Variants in NTRK3 observed in about 807,000 individuals in gnomAD.
The protein encoded by NTRK3 is neurotrophic receptor tyrosine kinase 3.
In NTRK3, 24 loss-of-function variants were observed where a neutral mutation model predicts 91.7. The observed-to-expected ratio is 0.26, with a 90% confidence interval of 0.19 to 0.37. The LOEUF is 0.37. Ranked by LOEUF, NTRK3 falls within the 10% of genes least tolerant of loss-of-function variation. NTRK3 has a pLI of 1.00. For synonymous variants in NTRK3, 483 were observed against 404.0 expected (o/e 1.20, Z -2.34); for missense variants, 880 against 1,068.9 (o/e 0.82, Z 2.46).
At chr15:87,918,492 A>G (rs761818281) in intron 17 of NTRK3, among the ~76,000 whole-genome samples, 2 of 152,212 alleles carry the variant, frequency 1.3e-5, no homozygotes, top group African/African-American at 2.4e-5. Context: ...GACTTTGCTC[A>G]TGCTAACCTC....
intron 14 of NTRK3, among the ~76,000 whole-genome samples, chr15:87,991,715 C>T (rs1467085650): frequency 6.6e-5 from 10 of 152,106 alleles, no homozygotes; most frequent in Admixed American, 6.5e-4. Flanking sequence ...TTTCTAATTC[C>T]CCATATCAAA....
chr15:88,137,422 T>C, exon 7 of NTRK3: 1 of 1,613,996 alleles, frequency 6.2e-7, no homozygotes, highest in Non-Finnish European at 8.5e-7. Flanking sequence ...CTGATGTTCA[T>C]GCGGAAGAGA....
At chr15:88,098,019 T>C (rs932408829) in intron 13 of NTRK3, among the ~76,000 whole-genome samples, 1 of 152,252 alleles carries the variant, frequency 6.6e-6, no homozygotes, top group African/African-American at 2.4e-5. Context: ...AAGGATGTTT[T>C]ATTCTACAGT....
chr15:88,189,440 T>C (rs1265213160), intron 3 of NTRK3, among the ~76,000 whole-genome samples: 1 of 151,896 alleles, frequency 6.6e-6, no homozygotes, highest in Non-Finnish European at 1.5e-5. Context: ...TCTTTTTTTT[T>C]GAGATGGAGT....
chr15:88,165,790 C>A (rs1194502721), intron 5 of NTRK3, among the ~76,000 whole-genome samples: 1 of 152,128 alleles, frequency 6.6e-6, no homozygotes, highest in Non-Finnish European at 1.5e-5. Flanking sequence ...TATCACAGGG[C>A]CTGAGTCCAC....
At chr15:88,152,067 G>A (rs1385252088) in intron 5 of NTRK3, among the ~76,000 whole-genome samples, 1 of 152,188 alleles carries the variant, frequency 6.6e-6, no homozygotes, top group Non-Finnish European at 1.5e-5. Flanking sequence ...TTGGGAGGCT[G>A]AGGCAGGTGG....
chr15:88,100,109 C>A (rs761039390), intron 13 of NTRK3, among the ~76,000 whole-genome samples: 1 of 152,134 alleles, frequency 6.6e-6, no homozygotes, highest in Non-Finnish European at 1.5e-5. Context: ...CCTTGAAGCT[C>A]ACTCCTCACT....
chr15:88,030,744 G>C (rs536775744), intron 14 of NTRK3, among the ~76,000 whole-genome samples: 1 of 151,844 alleles, frequency 6.6e-6, no homozygotes, highest in East Asian at 1.9e-4. Context: ...GACTCAACAA[G>C]GAGATATCTG....
At chr15:87,914,389 CA>C (rs1695727653) in intron 17 of NTRK3, among the ~76,000 whole-genome samples, 1 of 152,138 alleles carries the variant, frequency 6.6e-6, no homozygotes, top group African/African-American at 2.4e-5. Flanking sequence ...TTGGTGATAC[CA>C]GTGCATCTTT....
rs773665439 is a variant in NTRK3 at position 88,222,930 on chromosome 15, G to A, written c.248+32976C>T. 5.3e-5 allele frequency among the ~76,000 whole-genome samples: 8 copies of A among 152,320 alleles called. 1 individual carries two copies. The South Asian group carries it at 6.2e-4, about 12-fold the overall frequency. ...AGACCAAGGGGTCCCTGAGGAACCC[G>A]CAGGATTCTTTTGGGGTTCTGGACT... On this transcript the variant is annotated intron_variant, in intron 3 of 18. Coordinates refer to ENST00000394480, the Ensembl canonical transcript of NTRK3.
chr15:88,055,634 C>G (rs531192991), intron 13 of NTRK3, among the ~76,000 whole-genome samples: 1 of 152,218 alleles, frequency 6.6e-6, no homozygotes, highest in South Asian at 2.1e-4. Context: ...GACAAGCCGC[C>G]CTTTCAATCG....
At chr15:87,874,223 T>C (rs2064892202) in exon 19 of NTRK3, 2 of 87,490 alleles carry the variant, frequency 2.3e-5, no homozygotes, top group African/African-American at 3.0e-4. Flanking sequence ...TTTTTTTTAA[T>C]CTGCCAAGGC....
chr15:88,173,750 G>T (rs1217587519), intron 5 of NTRK3, among the ~76,000 whole-genome samples: 2 of 152,204 alleles, frequency 1.3e-5, no homozygotes, highest in Non-Finnish European at 2.9e-5. Context: ...CTGGGTTCCT[G>T]AATTGAAAAC....
chr15:88,000,211 C>T (rs931988908), intron 14 of NTRK3, among the ~76,000 whole-genome samples: 5 of 152,046 alleles, frequency 3.3e-5, no homozygotes, highest in South Asian at 2.1e-4. Context: ...GTTAAAATGT[C>T]GACATATGTC....
intron 13 of NTRK3, among the ~76,000 whole-genome samples, chr15:88,076,980 A>C (rs1330404906): frequency 1.3e-5 from 2 of 152,146 alleles, no homozygotes; most frequent in African/African-American, 4.8e-5. Context: ...CTGTAGTCCC[A>C]GTACTCGGGA....
At position 88,241,801 on chromosome 15, in the gene NTRK3, A is replaced by T. The variant is rs1206511339; in HGVS notation, c.248+14105T>A. ...TTTCTGCCGAGAACATGGCCCCGGGAATGGACGGAATCTGCCGTGCACTCT... is the reference window on the plus strand; with the variant it reads ...TTTCTGCCGAGAACATGGCCCCGGGTATGGACGGAATCTGCCGTGCACTCT... On this transcript the variant is annotated intron_variant, in intron 3 of 18. Transcript: ENST00000394480. The surrounding 1 kb of genome is among the most constrained non-coding windows in gnomAD (Gnocchi z 4.3). Among the ~76,000 whole-genome samples the T allele has an allele frequency of 1.3e-5, 2 of 152,110 alleles. No individual in the cohort carries two copies. The highest frequency in any genetic ancestry group is 2.9e-5 in the Non-Finnish European group (2 of 68,022).
At chr15:88,110,685 T>A (rs1368087438) in intron 13 of NTRK3, among the ~76,000 whole-genome samples, 1 of 152,070 alleles carries the variant, frequency 6.6e-6, no homozygotes, top group Non-Finnish European at 1.5e-5. Flanking sequence ...AGAGGGAAGG[T>A]GCATGAGGAA....
At chr15:88,018,924 T>C (rs2077421639) in intron 14 of NTRK3, among the ~76,000 whole-genome samples, 1 of 152,036 alleles carries the variant, frequency 6.6e-6, no homozygotes, top group Non-Finnish European at 1.5e-5. Flanking sequence ...TACTCCCCCT[T>C]TTCCCCTCTC....
At chr15:88,195,446 G>A (rs1316152438) in intron 3 of NTRK3, among the ~76,000 whole-genome samples, 1 of 152,214 alleles carries the variant, frequency 6.6e-6, no homozygotes, top group Non-Finnish European at 1.5e-5. Context: ...TCAGAACCCT[G>A]TGACCTCTCA....
Sources: gnomAD v4.1 joint callset for allele counts (sites outside exome capture counted in the v4.1 genomes callset) on GRCh38, gnomAD v4.1.1 for gene constraint, Gnocchi (gnomAD v3.1) non-coding constraint, MANE v1.5 for transcripts, NCBI Gene and HGNC (gene_info 2026-07-23, HGNC 2026-07-21) for gene names.